Variants in LRRTM4 observed in about 807,000 individuals in gnomAD.
LRRTM4 encodes the protein leucine-rich repeat transmembrane neuronal protein 4.
A neutral mutation model predicts 47.6 loss-of-function variants in LRRTM4; 25 were observed. The observed-to-expected ratio is 0.53, with a 90% CI of 0.38 to 0.73. The LOEUF is 0.73. Ranked by LOEUF, LRRTM4 falls within the 30% of genes least tolerant of loss-of-function variation. The probability of loss-of-function intolerance (pLI) is 0.00; values close to 1 mark genes in which losing one functional copy is unlikely to be tolerated. For synonymous variants in LRRTM4, 311 were observed against 269.5 expected, an observed-to-expected ratio of 1.15 and a Z score of -1.51; for missense variants, 638 against 713.4, an observed-to-expected ratio of 0.89 and a Z score of 1.20.
Position 77,083,192 on chromosome 2 carries a change from A to G in LRRTM4, c.1552-334276T>C, listed in dbSNP as rs573855162. ...AACAATTGCAGCATGGTGGAATTCC[A>G]TGAAGGACAAAGGCTACAAAATGCA... On this transcript the variant is annotated intron_variant, in intron 3 of 3. Coordinates refer to ENST00000409884, the MANE Select transcript of LRRTM4 (RefSeq NM_001134745.3). Among the ~76,000 whole-genome samples, 17 of 152,192 alleles carry G rather than the reference A, an allele frequency of 1.1e-4. 1 individual carries two copies. Among genetic ancestry groups the G allele is most frequent in the Non-Finnish European group, 5.9e-5 (4 of 68,028 alleles).
intron 3 of LRRTM4, among the ~76,000 whole-genome samples, chr2:77,475,384 T>C (rs1677347641): frequency 6.6e-6 from 1 of 152,104 alleles, no homozygotes; most frequent in African/African-American, 2.4e-5. Flanking sequence ...TTTTTATAAC[T>C]CATTTTATAT....
intron 3 of LRRTM4, among the ~76,000 whole-genome samples, chr2:76,870,260 T>C (rs1298289506): frequency 6.6e-6 from 1 of 152,178 alleles, no homozygotes; most frequent in African/African-American, 2.4e-5. Flanking sequence ...TTTGGATCTG[T>C]GAAGTTGCTG....
intron 3 of LRRTM4, among the ~76,000 whole-genome samples, chr2:76,855,529 T>C (rs191284044): frequency 4.5e-4 from 68 of 152,312 alleles, no homozygotes; most frequent in Admixed American, 4.4e-3. Context: ...CCGAAGTAAA[T>C]AGACTTCACT....
Position 77,519,417 on chromosome 2 carries a change from T to C in LRRTM4, c.452A>G (p.Glu151Gly), listed in dbSNP as rs747447541. 3 of 1,613,474 alleles carry C rather than the reference T, an allele frequency of 1.9e-6. No homozygotes were observed. In the Admixed American group the frequency reaches 5.0e-5, roughly 27 times the overall value. The change falls in exon 3 of 4, where the codon GAA (glutamate) becomes GGA (glycine). Residue 151 changes from glutamate (E) to glycine (G), a missense_variant. Glu to Gly is a moderately conservative substitution (Grantham distance 98). Coordinates refer to ENST00000409884, the MANE Select transcript of LRRTM4 (RefSeq NM_001134745.3). This position sits in a 1 kb window ranked among gnomAD's most constrained non-coding sequence, Gnocchi z 4.6. ...SYNKLQTLQSEQFKGLRKLII... is the reference protein window; with the variant it reads ...SYNKLQTLQSGQFKGLRKLII... ...GAGTTTCCGAAGGCCTTTAAATTGTTCAGATTGCAATGTCTGAAGCTTATT... is the reference window on the plus strand; with the variant it reads ...GAGTTTCCGAAGGCCTTTAAATTGTCCAGATTGCAATGTCTGAAGCTTATT...
intron 3 of LRRTM4, among the ~76,000 whole-genome samples, chr2:76,953,742 AG>A (rs1675573206): frequency 6.6e-6 from 1 of 151,892 alleles, no homozygotes; most frequent in Non-Finnish European, 1.5e-5. Flanking sequence ...CTCTCTTGGG[AG>A]GGAAAAAGTA....
intron 3 of LRRTM4, among the ~76,000 whole-genome samples, chr2:76,941,240 A>T (rs776347903): frequency 3.1e-4 from 47 of 152,272 alleles, no homozygotes; most frequent in Non-Finnish European, 5.4e-4. Flanking sequence ...CACACATATT[A>T]TATTTTATAT....
At chr2:77,142,201 T>A (rs1296317504) in intron 3 of LRRTM4, among the ~76,000 whole-genome samples, 2 of 152,194 alleles carry the variant, frequency 1.3e-5, no homozygotes, top group African/African-American at 4.8e-5. Flanking sequence ...ATTAACTCCC[T>A]TGAATGTATT....
chr2:76,870,221 C>A (rs2104048595), intron 3 of LRRTM4, among the ~76,000 whole-genome samples: 1 of 152,270 alleles, frequency 6.6e-6, no homozygotes, highest in South Asian at 2.1e-4. Context: ...CCTTTTACTG[C>A]CTTCTCCTGG....
chr2:76,987,125 C>T (rs1676825785), intron 3 of LRRTM4, among the ~76,000 whole-genome samples: 1 of 151,816 alleles, frequency 6.6e-6, no homozygotes, highest in Non-Finnish European at 1.5e-5. Flanking sequence ...TTAATCCTCA[C>T]ATTTTTTGTA....
intron 3 of LRRTM4, among the ~76,000 whole-genome samples, chr2:77,075,054 T>G (rs1680286618): frequency 6.6e-6 from 1 of 152,216 alleles, no homozygotes; most frequent in Admixed American, 6.5e-5. Flanking sequence ...ACCAGATCAA[T>G]ATTCTTGCAT....
In LRRTM4 at chr2:76,943,953, T is replaced by C. The variant is rs74470759; in HGVS notation, c.1552-195037A>G. On this transcript the variant is annotated intron_variant, in intron 3 of 3. Transcript: ENST00000409884. ...TTATCCTAGTGCCATTATCCTCTTGTTTGGACTATTTTTAAAGTTTTTTCA... is the reference window on the plus strand; with the variant it reads ...TTATCCTAGTGCCATTATCCTCTTGCTTGGACTATTTTTAAAGTTTTTTCA... Among the ~76,000 whole-genome samples, 762 of 152,246 alleles carry C rather than the reference T, an allele frequency of 5.0e-3. 6 individuals carry two copies. The highest frequency in any genetic ancestry group is 0.018 in the African/African-American group (740 of 41,556).
At chr2:77,165,911 T>A (rs1302845680) in intron 3 of LRRTM4, among the ~76,000 whole-genome samples, 1 of 152,204 alleles carries the variant, frequency 6.6e-6, no homozygotes, top group Non-Finnish European at 1.5e-5. Context: ...AAGACAGGGA[T>A]GCCCTCTCTC....
chr2:76,858,548 T>C (rs1031047262), intron 3 of LRRTM4, among the ~76,000 whole-genome samples: 5 of 152,156 alleles, frequency 3.3e-5, no homozygotes, highest in South Asian at 2.1e-4. Flanking sequence ...AAATATGCAA[T>C]GTCTATCCAA....
intron 3 of LRRTM4, among the ~76,000 whole-genome samples, chr2:76,754,252 T>C (rs1224029643): frequency 6.6e-6 from 1 of 152,192 alleles, no homozygotes; most frequent in Non-Finnish European, 1.5e-5. Flanking sequence ...TTAGCTGTTA[T>C]TCTACTGGCT....
At chr2:77,099,637 C>T (rs1670899973) in intron 3 of LRRTM4, among the ~76,000 whole-genome samples, 2 of 148,880 alleles carry the variant, frequency 1.3e-5, no homozygotes, top group African/African-American at 2.5e-5. Context: ...TGTTATTTAT[C>T]GTTTTTGTGG....
At chr2:77,473,217 T>A (rs1677258004) in intron 3 of LRRTM4, among the ~76,000 whole-genome samples, 1 of 152,128 alleles carries the variant, frequency 6.6e-6, no homozygotes, top group African/African-American at 2.4e-5. Context: ...AAAAGCAATT[T>A]GTAAAGGGCT....
At chr2:77,309,123 C>T (rs401204) in intron 3 of LRRTM4, among the ~76,000 whole-genome samples, 48,501 of 151,924 alleles carry the variant, frequency 0.32, 9,212 homozygotes, top group East Asian at 0.59. Flanking sequence ...AGAAATAGAG[C>T]AACTTTATGA....
At chr2:77,101,373 AAC>A (rs1452182458) in intron 3 of LRRTM4, among the ~76,000 whole-genome samples, 1 of 152,166 alleles carries the variant, frequency 6.6e-6, no homozygotes, top group Non-Finnish European at 1.5e-5. Flanking sequence ...GGTTTATCAA[AAC>A]AGAGTGCGTA....
At chr2:77,041,492 T>C (rs1171155783) in intron 3 of LRRTM4, among the ~76,000 whole-genome samples, 1 of 151,420 alleles carries the variant, frequency 6.6e-6, no homozygotes, top group Non-Finnish European at 1.5e-5. Context: ...CTCTATATGG[T>C]TTTCCATAGT....
Sources: allele counts gnomAD v4.1 joint callset (sites outside exome capture counted in the v4.1 genomes callset), GRCh38; gene constraint gnomAD v4.1.1; non-coding constraint Gnocchi (gnomAD v3.1); transcripts MANE v1.5; gene names NCBI Gene and HGNC (gene_info 2026-07-23, HGNC 2026-07-21).